The following PDCL variants were observed in gnomAD, a reference collection of about 807,000 sequenced individuals.
The protein encoded by PDCL is phosducin like, also known as phosducin-like protein.
PDCL carries 11 observed loss-of-function variants against 26.7 expected under a neutral mutation model. That is an observed-to-expected ratio of 0.41 (90% CI 0.26 to 0.68). PDCL has a LOEUF of 0.68. PDCL is among the 30% of genes least tolerant of loss of function. PDCL has a pLI of 0.30. For synonymous variants in PDCL, 118 were observed against 134.9 expected, an observed-to-expected ratio of 0.87 and a Z score of 0.87; for missense variants, 330 against 371.6, an observed-to-expected ratio of 0.89 and a Z score of 0.92.
intron 2 of PDCL, among the ~76,000 whole-genome samples, chr9:122,823,770 A>AT (rs5900545): frequency 0.12 from 15,892 of 137,184 alleles, 1,317 homozygotes; most frequent in East Asian, 0.43. Context: ...TATTATCTGA[A>AT]TTTTTTTTTT....
chr9:122,823,707 G>A (rs1278088223), intron 2 of PDCL, among the ~76,000 whole-genome samples: 1 of 151,986 alleles, frequency 6.6e-6, no homozygotes, highest in Admixed American at 6.6e-5. Flanking sequence ...CAGGTAGTAG[G>A]ATCTAAGCAA....
chr9:122,821,841 C>T (rs1481177347), intron 3 of PDCL, among the ~76,000 whole-genome samples: 1 of 152,156 alleles, frequency 6.6e-6, no homozygotes, highest in Non-Finnish European at 1.5e-5. Flanking sequence ...TGCAGCAAGA[C>T]ATCCTCGCTC....
rs373814845 is a variant in PDCL, at chr9:122,827,988, CTG to C, written c.-6+481_-6+482del. 4.6e-3 allele frequency among the ~76,000 whole-genome samples: 695 copies of C among 152,320 alleles called. 4 individuals carry two copies. The highest frequency in any genetic ancestry group is 0.016 in the African/African-American group (661 of 41,576). On this transcript the variant is annotated intron_variant, in intron 1 of 3. Transcript: ENST00000259467. The stretch of plus-strand genomic sequence containing the variant: ...ATCCCCAAAGCCCAGCACAATGCCG[CTG>C]CACAATTTGCTAAACTCGCAGCCTG...
chr9:122,820,731 C>A (rs965601272), intron 3 of PDCL, 95 bp from the exon 4 acceptor site: 19 of 1,017,584 alleles, frequency 1.9e-5, no homozygotes, highest in Non-Finnish European at 2.7e-5. Flanking sequence ...CGCCTGTAAT[C>A]CTAGCACTTT....
At chr9:122,821,588 A>C (rs972357290) in intron 3 of PDCL, among the ~76,000 whole-genome samples, 1 of 152,200 alleles carries the variant, frequency 6.6e-6, no homozygotes, top group Non-Finnish European at 1.5e-5. Flanking sequence ...TATTTTTATG[A>C]AATTATATAT....
intron 3 of PDCL, among the ~76,000 whole-genome samples, chr9:122,821,655 T>G (rs1300737778): frequency 3.9e-5 from 6 of 152,164 alleles, no homozygotes; most frequent in Non-Finnish European, 8.8e-5. Context: ...TCCAATTCTG[T>G]TCTATTGCAG....
chr9:122,824,054 G>A (rs1251362872), intron 2 of PDCL, among the ~76,000 whole-genome samples: 1 of 152,158 alleles, frequency 6.6e-6, no homozygotes, highest in East Asian at 1.9e-4. Context: ...TGATGGGCAT[G>A]AGCCACCGCA....
rs532449508 is a variant in PDCL at position 122,818,804 on chromosome 9, T to G, written c.*1281A>C. On this transcript the variant is annotated 3_prime_UTR_variant, in exon 4 of 4. Transcript: ENST00000259467. The stretch of plus-strand genomic sequence containing the variant: ...TAGAAAAAAAGGCTATAAAAATGAC[T>G]AGAAATATGACAAAAGGGATTAATT... 6.6e-6 allele frequency: 1 copy of G among 152,162 alleles called. No individual in the cohort carries two copies. Among genetic ancestry groups the G allele is most frequent in the South Asian group, 2.1e-4 (1 of 4,830 alleles). The allele number at this position is 152,162 out of a possible 1,614,324, so 9.4% of individuals were successfully genotyped here.
At chr9:122,824,362 A>G (rs1465797192) in intron 2 of PDCL, among the ~76,000 whole-genome samples, 1 of 152,206 alleles carries the variant, frequency 6.6e-6, no homozygotes, top group African/African-American at 2.4e-5. Context: ...CCATGTTTCC[A>G]ACAGCTCCTC....
intron 2 of PDCL, among the ~76,000 whole-genome samples, chr9:122,825,705 C>T (rs752664362): frequency 6.6e-6 from 1 of 151,932 alleles, no homozygotes; most frequent in Non-Finnish European, 1.5e-5. Flanking sequence ...AAAAAAACAC[C>T]TAATTTTTTA....
rs908677908 is a variant in PDCL at position 122,826,878 on chromosome 9, G to A, written c.-5-86C>T. Reference sequence around the variant, plus strand: ...AGCATAGGGGGCTCGCCTGTGCTGAGATCCTACAATTTCCAGGACACTAAA... The same window carrying A: ...AGCATAGGGGGCTCGCCTGTGCTGAAATCCTACAATTTCCAGGACACTAAA... On this transcript the variant is annotated intron_variant, in intron 1 of 3. Transcript: ENST00000259467. The A allele has an allele frequency of 6.5e-6, 8 of 1,226,692 alleles. No homozygotes were observed. The South Asian group carries it at 1.1e-4, about 17-fold the overall frequency. 76.0% of individuals were successfully genotyped at this position (1,226,692 alleles called of 1,614,324 possible). A position where few individuals can be genotyped will look rare whatever the true frequency, so the allele number is the denominator to read the frequency against.
intron 1 of PDCL, 79 bp from the exon 2 acceptor site, chr9:122,826,871 G>A: frequency 3.8e-6 from 5 of 1,299,778 alleles, no homozygotes; most frequent in Non-Finnish European, 5.5e-6. Context: ...GGGCTCGCCT[G>A]TGCTGAGATC....
intron 1 of PDCL, among the ~76,000 whole-genome samples, chr9:122,828,138 G>A (rs950030793): frequency 1.3e-5 from 2 of 152,134 alleles, no homozygotes; most frequent in African/African-American, 4.8e-5. Flanking sequence ...TGGGCCAAGC[G>A]GGGGACACAG....
chr9:122,820,327 T>A lies in PDCL; in HGVS notation c.664A>T (p.Ile222Phe), dbSNP rs1829536756. The A allele has an allele frequency of 6.2e-7, 1 of 1,614,028 alleles. No individual in the cohort carries two copies. Among genetic ancestry groups the A allele is most frequent in the Non-Finnish European group, 8.5e-7 (1 of 1,180,038 alleles). ...CTGGTGAACTGACTGCTGGCGCCAATAACTGAGCTCTTCACCTTGCAGAAC... is the reference window on the plus strand; with the variant it reads ...CTGGTGAACTGACTGCTGGCGCCAAAAACTGAGCTCTTCACCTTGCAGAAC... Reference protein sequence around the residue: ...VKFCKVKSSVIGASSQFTRNA... With the variant: ...VKFCKVKSSVFGASSQFTRNA... The change falls in exon 4 of 4, where the codon ATT (isoleucine) becomes TTT (phenylalanine). Residue 222 changes from isoleucine to phenylalanine, a missense_variant. Transcript: ENST00000259467.
At chr9:122,825,370 C>A (rs1829610970) in intron 2 of PDCL, among the ~76,000 whole-genome samples, 1 of 152,064 alleles carries the variant, frequency 6.6e-6, no homozygotes, top group Non-Finnish European at 1.5e-5. Context: ...CTGTGTTGCC[C>A]AGGCTGGTCT....
Position 122,826,645 on chromosome 9 carries a change from A to G in PDCL, c.143T>C (p.Leu48Pro), listed in dbSNP as rs1390929511. The stretch of plus-strand genomic sequence containing the variant: ...GTTAACTGAGATGCCTTCGCCTGCC[A>G]GCTCAGCCTCTGCAGGCACAGAACT... ...ASSSVPAEAE[L>P]AGEGISVNTG... Residue 48 changes from leucine (L) to proline (P), a missense_variant, in exon 2 of 4, where the codon CTG (leucine) becomes CCG (proline). Transcript: ENST00000259467. The G allele has an allele frequency of 6.2e-7, 1 of 1,614,170 alleles. No homozygotes were observed. Among genetic ancestry groups the G allele is most frequent in the Admixed American group, 1.7e-5 (1 of 60,024 alleles).
chr9:122,820,521 T>C lies in PDCL; in HGVS notation c.470A>G (p.Gln157Arg). The C allele has an allele frequency of 6.2e-7, 1 of 1,614,114 alleles. No individual in the cohort carries two copies. The highest frequency in any genetic ancestry group is 1.1e-5 in the South Asian group (1 of 91,084). The change falls in exon 4 of 4, where the codon CAA (glutamine) becomes CGA (arginine). Residue 157 changes from glutamine (Q) to arginine (R), a missense_variant. Transcript: ENST00000259467. ...EMRQQLHKGP[Q>R]FKQVFEISSG... ...GGAGATCTCAAAAACCTGCTTGAAT[T>C]GGGGCCCCTTGTGAAGCTGCTGCCG...
At chr9:122,827,657 G>A (rs7026262) in intron 1 of PDCL, among the ~76,000 whole-genome samples, 115,011 of 152,066 alleles carry the variant, frequency 0.76, 44,844 homozygotes, top group East Asian at 0.98. Context: ...TCTTGAATCC[G>A]GGAGGCGGAG....
chr9:122,819,297 T>A lies in PDCL; in HGVS notation c.*788A>T, dbSNP rs977470092. 6.6e-6 allele frequency: 1 copy of A among 151,798 alleles called. No individual in the cohort carries two copies. The highest frequency in any genetic ancestry group is 1.5e-5 in the Non-Finnish European group (1 of 67,960). 9.4% of individuals were successfully genotyped at this position (151,798 alleles called of 1,614,324 possible). A position where few individuals can be genotyped will look rare whatever the true frequency, so the allele number is the denominator to read the frequency against. ...CCAATATGAAAAAAAAAAAAAGTTT[T>A]AAAAAAAATCTAGGTTAAACAAAAA... is the stretch of plus-strand genomic sequence containing the variant. On this transcript the variant is annotated 3_prime_UTR_variant, in exon 4 of 4. Coordinates refer to ENST00000259467, the MANE Select transcript of PDCL (RefSeq NM_005388.5).
Sources: gnomAD v4.1 joint callset for allele counts (sites outside exome capture counted in the v4.1 genomes callset) on GRCh38, gnomAD v4.1.1 for gene constraint, MANE v1.5 for transcripts, NCBI Gene and HGNC (gene_info 2026-07-23, HGNC 2026-07-21) for gene names.